The following DENND4A variants were observed in gnomAD, a reference collection of about 807,000 sequenced individuals.
DENND4A encodes the protein DENN domain containing 4A, also known as C-myc promoter-binding protein.
DENND4A carries 70 observed loss-of-function variants against 199.3 expected under a neutral mutation model. The ratio of observed to expected loss-of-function variants is 0.35; its 90% CI spans 0.29 to 0.43. The LOEUF (loss-of-function observed/expected upper bound fraction) is 0.43, where lower values mean the gene tolerates loss of function less well. Among genes scored for constraint, DENND4A ranks in the 20% least tolerant of loss-of-function variants. DENND4A has a pLI of 1.00. For synonymous variants in DENND4A, 686 were observed against 766.9 expected (o/e 0.89, Z 1.74); for missense variants, 1,723 against 2,255.8 (o/e 0.76, Z 4.78).
At chr15:65,733,298 T>C (rs1433407220) in intron 7 of DENND4A, among the ~76,000 whole-genome samples, 2 of 152,146 alleles carry the variant, frequency 1.3e-5, no homozygotes, top group African/African-American at 4.8e-5. Flanking sequence ...TTGTAGGTTT[T>C]TTCCCCAGAA....
chr15:65,748,262 T>A (rs1389916943), intron 4 of DENND4A, among the ~76,000 whole-genome samples: 2 of 151,018 alleles, frequency 1.3e-5, no homozygotes, highest in African/African-American at 2.4e-5. Context: ...TGAGGAAAAA[T>A]TTAAAAATTA....
At chr15:65,749,399 T>C (rs532145464) in intron 4 of DENND4A, among the ~76,000 whole-genome samples, 10 of 152,336 alleles carry the variant, frequency 6.6e-5, no homozygotes, top group East Asian at 5.8e-4. Context: ...AACTGAGTTA[T>C]TGAATGTGAA....
chr15:65,702,547 T>G (rs536358043), intron 16 of DENND4A, 36 bp from the exon 17 acceptor site: 3 of 1,498,254 alleles, frequency 2.0e-6, no homozygotes, highest in East Asian at 4.9e-5. Flanking sequence ...AATAAATTTA[T>G]GCACTTAGGC....
intron 1 of DENND4A, chr15:65,771,881 C>G: frequency 6.2e-7 from 1 of 1,611,776 alleles, no homozygotes; most frequent in Non-Finnish European, 8.5e-7. Context: ...GCATCTGTTG[C>G]TCCAGGTGCA....
chr15:65,696,091 G>T (rs2077136132), intron 22 of DENND4A, among the ~76,000 whole-genome samples: 1 of 152,032 alleles, frequency 6.6e-6, no homozygotes, highest in African/African-American at 2.4e-5. Context: ...CACCTCTCCT[G>T]ATGTCACTTT....
intron 24 of DENND4A, 144 bp downstream of exon 24, chr15:65,676,301 G>C (rs1394957472): frequency 2.9e-6 from 2 of 698,946 alleles, no homozygotes; most frequent in Non-Finnish European, 4.3e-6. Flanking sequence ...AAAGTGCCTT[G>C]GTTTTATTGT....
In DENND4A at chr15:65,717,976, C is replaced by T; in HGVS notation, c.1609G>A (p.Asp537Asn). Residue 537 changes from aspartate to asparagine, a missense_variant, in exon 13 of 33, where the codon GAT (aspartate) becomes AAT (asparagine). Asp to Asn is a conservative substitution (Grantham distance 23, BLOSUM62 1). Transcript: ENST00000443035. ...TTTATTGCTAAATCCATGAGTCCAT[C>T]ATCTCTCGGTCTCTGCTGCACTGTG... is the stretch of plus-strand genomic sequence containing the variant. ...LAKLQQRPRDDGLMDLAINDY... is the reference protein window; with the variant it reads ...LAKLQQRPRDNGLMDLAINDY... The T allele has an allele frequency of 6.2e-7, 1 of 1,603,346 alleles. No individual in the cohort carries two copies. Among genetic ancestry groups the T allele is most frequent in the Non-Finnish European group, 8.5e-7 (1 of 1,174,242 alleles).
intron 23 of DENND4A, among the ~76,000 whole-genome samples, chr15:65,678,260 A>G (rs2076454803): frequency 1.3e-5 from 2 of 152,240 alleles, no homozygotes; most frequent in South Asian, 4.1e-4. Context: ...TTTCTTGATT[A>G]TTCTCATGTA....
chr15:65,741,958 T>C, intron 4 of DENND4A, among the ~76,000 whole-genome samples, 174 bp from the exon 5 acceptor site: 1 of 152,216 alleles, frequency 6.6e-6, no homozygotes, highest in Non-Finnish European at 1.5e-5. Context: ...CACTGTCCAC[T>C]TTTCTTTCAG....
chr15:65,722,135 A>C (rs1195591275), intron 12 of DENND4A, among the ~76,000 whole-genome samples: 1 of 152,170 alleles, frequency 6.6e-6, no homozygotes, highest in Non-Finnish European at 1.5e-5. Flanking sequence ...GCATTTTCTA[A>C]TGTAGTTTAC....
At chr15:65,668,164 A>G (rs759752230) in intron 27 of DENND4A, 41 bp from the exon 28 acceptor site, 1 of 1,371,652 alleles carries the variant, frequency 7.3e-7, no homozygotes, top group Non-Finnish European at 9.9e-7. Context: ...CAGTGTCTAG[A>G]TTTACTTTAC....
At chr15:65,734,538 T>C (rs970456146) in intron 7 of DENND4A, among the ~76,000 whole-genome samples, 5 of 151,982 alleles carry the variant, frequency 3.3e-5, no homozygotes, top group Non-Finnish European at 7.3e-5. Context: ...CTATACTTTG[T>C]CTCTGTGTTT....
At chr15:65,730,112 C>T (rs1036082140) in intron 9 of DENND4A, among the ~76,000 whole-genome samples, 4 of 151,938 alleles carry the variant, frequency 2.6e-5, no homozygotes, top group Admixed American at 2.0e-4. Context: ...ACTTACAGGC[C>T]CACTTCCCTT....
At chr15:65,712,577 AT>A (rs1461600200) in intron 14 of DENND4A, among the ~76,000 whole-genome samples, 1 of 152,154 alleles carries the variant, frequency 6.6e-6, no homozygotes, top group African/African-American at 2.4e-5. Flanking sequence ...CTAGTACACT[AT>A]TTTCCTATTC....
intron 4 of DENND4A, among the ~76,000 whole-genome samples, chr15:65,750,207 T>C (rs1567075104): frequency 6.6e-6 from 1 of 152,180 alleles, no homozygotes; most frequent in Admixed American, 6.5e-5. Context: ...CTGGAGGTCA[T>C]CATCCTAAGC....
chr15:65,676,179 T>TATATATATATATATC (rs1596402345), intron 24 of DENND4A, among the ~76,000 whole-genome samples: 1 of 147,652 alleles, frequency 6.8e-6, no homozygotes, highest in South Asian at 2.1e-4. Context: ...TATACCTATA[T>TATATATATATATATC]TTTTAAAAAA....
intron 3 of DENND4A, among the ~76,000 whole-genome samples, chr15:65,755,136 C>A (rs1166843947): frequency 1.3e-5 from 2 of 152,064 alleles, no homozygotes; most frequent in Non-Finnish European, 2.9e-5. Context: ...GCTAAGAAGT[C>A]AGTCAAAAAA....
chr15:65,688,140 TTTCA>T (rs1435375526), intron 23 of DENND4A, among the ~76,000 whole-genome samples: 3 of 152,202 alleles, frequency 2.0e-5, no homozygotes, highest in Admixed American at 6.5e-5. Context: ...TAAGTTTACT[TTTCA>T]TTGTCATCTC....
intron 22 of DENND4A, among the ~76,000 whole-genome samples, chr15:65,695,834 G>A (rs2077126235): frequency 3.3e-5 from 5 of 152,000 alleles, no homozygotes. Flanking sequence ...GCCAATCACT[G>A]AAGTATGCTT....
Sources: gnomAD v4.1 joint callset for allele counts (sites outside exome capture counted in the v4.1 genomes callset) on GRCh38, gnomAD v4.1.1 for gene constraint, MANE v1.5 for transcripts, NCBI Gene and HGNC (gene_info 2026-07-23, HGNC 2026-07-21) for gene names.